The following MARCHF6 variants were observed in gnomAD, a reference collection of about 807,000 sequenced individuals.
MARCHF6 encodes membrane associated ring-CH-type finger 6.
MARCHF6 carries 31 observed loss-of-function variants against 133.7 expected under a neutral mutation model. That is an observed-to-expected ratio of 0.23 (90% CI 0.17 to 0.31). The LOEUF (loss-of-function observed/expected upper bound fraction) is 0.31, where lower values mean the gene tolerates loss of function less well. Among genes scored for constraint, MARCHF6 ranks in the 10% least tolerant of loss-of-function variants. MARCHF6 has a pLI of 1.00. For missense variants in MARCHF6, 723 were observed against 1,121.6 expected, an observed-to-expected ratio of 0.64 and a Z score of 5.08; for synonymous variants, 395 against 402.5, an observed-to-expected ratio of 0.98 and a Z score of 0.22.
chr5:10,427,371 T>C (rs1740141677), intron 24 of MARCHF6, among the ~76,000 whole-genome samples: 2 of 152,212 alleles, frequency 1.3e-5, no homozygotes, highest in South Asian at 2.1e-4. Flanking sequence ...GTGAACATTT[T>C]TTTCATTGGT....
intron 9 of MARCHF6, 23 bp from the exon 10 acceptor site, chr5:10,397,270 T>G: frequency 6.5e-7 from 1 of 1,531,220 alleles, no homozygotes; most frequent in Non-Finnish European, 8.8e-7. Flanking sequence ...TGAATATGCT[T>G]TATTGATGCT....
intron 24 of MARCHF6, among the ~76,000 whole-genome samples, chr5:10,427,613 G>A (rs879830463): frequency 1.3e-5 from 2 of 151,982 alleles, no homozygotes; most frequent in Non-Finnish European, 2.9e-5. Context: ...CCCTTTAACC[G>A]TGAGAGAGGA....
chr5:10,360,877 A>G (rs778582859), intron 1 of MARCHF6, among the ~76,000 whole-genome samples: 13 of 152,202 alleles, frequency 8.5e-5, no homozygotes, highest in Non-Finnish European at 1.6e-4. Flanking sequence ...GTGAGTGATT[A>G]TTGCTGGGCT....
rs767522769 is a variant in MARCHF6 at position 10,426,386 on chromosome 5, T to G, written c.2374-4T>G. ...TGTTCTAATTGCTTTTTGTAATGTT[T>G]CAGGTTTACGCAAATGGCATCCGGA... On this transcript the variant is annotated splice_polypyrimidine_tract_variant and splice_region_variant and intron_variant, in intron 23 of 25. Transcript: ENST00000274140. 3 of 1,613,066 alleles carry G rather than the reference T, an allele frequency of 1.9e-6. No homozygotes were observed. The highest frequency in any genetic ancestry group is 2.5e-6 in the Non-Finnish European group (3 of 1,179,578).
chr5:10,369,611 C>T (rs1051257071), intron 1 of MARCHF6, among the ~76,000 whole-genome samples: 1 of 26,486 alleles, frequency 3.8e-5, no homozygotes, highest in Non-Finnish European at 1.7e-4. Context: ...TTACCCCCCC[C>T]CCCCCTTGCA....
intron 5 of MARCHF6, among the ~76,000 whole-genome samples, chr5:10,390,013 G>A (rs796974225): frequency 2.0e-5 from 3 of 152,250 alleles, no homozygotes; most frequent in African/African-American, 7.2e-5. Context: ...TTTGCGTGCT[G>A]CCTTTCTGTT....
chr5:10,378,712 T>C (rs1332784550), intron 2 of MARCHF6, 47 bp from the exon 3 acceptor site: 1 of 1,162,276 alleles, frequency 8.6e-7, no homozygotes, highest in Non-Finnish European at 1.3e-6. Context: ...AACTGTAATG[T>C]TTCTTTGCTG....
chr5:10,400,994 A>G, intron 11 of MARCHF6, 152 bp downstream of exon 11: 2 of 610,452 alleles, frequency 3.3e-6, no homozygotes, highest in Middle Eastern at 4.6e-4. Context: ...TTTAAAAAAA[A>G]TAACAGTGGC....
At chr5:10,382,776 G>A (rs1737234363) in intron 4 of MARCHF6, among the ~76,000 whole-genome samples, 1 of 152,216 alleles carries the variant, frequency 6.6e-6, no homozygotes, top group Non-Finnish European at 1.5e-5. Flanking sequence ...TCAGTGAGCT[G>A]AGATCATGCC....
Position 10,357,177 on chromosome 5 carries a change from T to G in MARCHF6, c.19+3260T>G, listed in dbSNP as rs77495736. Among the ~76,000 whole-genome samples the G allele has an allele frequency of 8.3e-3, 1,261 of 151,604 alleles. 17 individuals are homozygous for G. Among genetic ancestry groups the G allele is most frequent in the African/African-American group, 0.029 (1,218 of 41,322 alleles). ...CCTGTAATGCACTGAGATTTCTCAG[T>G]TTCAGAGAAAAGTCTATCCTTTGGT... On this transcript the variant is annotated intron_variant, in intron 1 of 25. Transcript: ENST00000274140.
intron 11 of MARCHF6, 50 bp from the exon 12 acceptor site, chr5:10,402,009 G>GTAGA: frequency 9.3e-7 from 1 of 1,074,174 alleles, no homozygotes; most frequent in Middle Eastern, 2.1e-4. Context: ...AAACCGGGGT[G>GTAGA]TAGAACATGT....
chr5:10,378,135 C>T (rs775763492), intron 2 of MARCHF6, among the ~76,000 whole-genome samples: 9 of 152,106 alleles, frequency 5.9e-5, no homozygotes, highest in Non-Finnish European at 1.0e-4. Context: ...TCCAGGTACA[C>T]GTAATTACCC....
At chr5:10,425,114 G>A (rs1282964069) in intron 23 of MARCHF6, among the ~76,000 whole-genome samples, 9 of 152,234 alleles carry the variant, frequency 5.9e-5, no homozygotes, top group Non-Finnish European at 1.3e-4. Flanking sequence ...GAGAAGTAAA[G>A]ACAGTAGTTA....
rs1185017129 is a variant in MARCHF6, at chr5:10,381,782, C to CT, written c.191-11dup. 5 of 1,563,794 alleles carry CT rather than the reference C, an allele frequency of 3.2e-6. No individual in the cohort carries two copies. Among genetic ancestry groups the CT allele is most frequent in the African/African-American group, 1.4e-5 (1 of 72,070 alleles). The stretch of plus-strand genomic sequence containing the variant: ...TCGAATCTTCATGAAACTGTAAGTA[C>CT]TTTTTTTCCGCTTATAGTTTATTCT... On this transcript the variant is annotated splice_polypyrimidine_tract_variant and intron_variant, in intron 3 of 25. Transcript: ENST00000274140.
At chr5:10,376,261 G>A (rs146738479) in intron 1 of MARCHF6, among the ~76,000 whole-genome samples, 1,677 of 152,084 alleles carry the variant, frequency 0.011, 32 homozygotes, top group African/African-American at 0.038. Flanking sequence ...TGAAGCCAGC[G>A]AGACCACGAG....
chr5:10,429,395 C>CTTTTTTT (rs571345405), intron 24 of MARCHF6, among the ~76,000 whole-genome samples: 3 of 134,590 alleles, frequency 2.2e-5, no homozygotes, highest in Non-Finnish European at 3.2e-5. Context: ...CGTCCAGTTC[C>CTTTTTTT]TTTTTTTTTT....
chr5:10,388,154 G>C (rs1212670387), intron 5 of MARCHF6, among the ~76,000 whole-genome samples: 1 of 152,118 alleles, frequency 6.6e-6, no homozygotes, highest in Non-Finnish European at 1.5e-5. Context: ...ATAGGCTTGA[G>C]GGTCACCTGA....
chr5:10,357,533 T>G (rs1173519840), intron 1 of MARCHF6, among the ~76,000 whole-genome samples: 1 of 152,172 alleles, frequency 6.6e-6, no homozygotes, highest in Non-Finnish European at 1.5e-5. Flanking sequence ...TCTATATCAC[T>G]ATGGCAAAAA....
intron 24 of MARCHF6, among the ~76,000 whole-genome samples, chr5:10,427,627 T>TA (rs995567937): frequency 6.6e-6 from 1 of 151,970 alleles, no homozygotes; most frequent in Non-Finnish European, 1.5e-5. Context: ...GAGAGGAGCT[T>TA]AAAAAAAACA....
Sources: gnomAD v4.1 joint callset for allele counts (sites outside exome capture counted in the v4.1 genomes callset) on GRCh38, gnomAD v4.1.1 for gene constraint, MANE v1.5 for transcripts, NCBI Gene and HGNC (gene_info 2026-07-23, HGNC 2026-07-21) for gene names.